Variants in WDCP observed in about 807,000 individuals in gnomAD.
WDCP encodes the protein WD repeat and coiled-coil-containing protein.
A neutral mutation model predicts 41.6 loss-of-function variants in WDCP; 19 were observed. The observed-to-expected ratio is 0.46, with a 90% CI of 0.32 to 0.67. The LOEUF is 0.67. WDCP is among the 30% of genes least tolerant of loss of function. WDCP has a pLI of 0.04. For missense variants in WDCP, 802 were observed against 850.7 expected (o/e 0.94, Z 0.71); for synonymous variants, 302 against 320.8 (o/e 0.94, Z 0.63).
At chr2:24,036,948 A>T (rs1411166514) in intron 2 of WDCP, among the ~76,000 whole-genome samples, 1 of 152,278 alleles carries the variant, frequency 6.6e-6, no homozygotes. Flanking sequence ...TGATAAAAAC[A>T]TGTATAATAT....
intron 2 of WDCP, among the ~76,000 whole-genome samples, chr2:24,035,204 A>AG (rs1230467070): frequency 3.3e-5 from 5 of 151,912 alleles, no homozygotes; most frequent in African/African-American, 1.2e-4. Context: ...GGAAAAAAAA[A>AG]TACTATGCAG....
Position 24,038,175 on chromosome 2 carries a change from T to A in WDCP, c.1320A>T (p.Thr440=). The A allele has an allele frequency of 8.7e-6, 14 of 1,614,252 alleles. No individual in the cohort carries two copies. The highest frequency in any genetic ancestry group is 1.2e-5 in the Non-Finnish European group (14 of 1,180,042). The change falls in exon 2 of 4, where the codon ACA becomes ACT. Residue 440 remains threonine (T), a synonymous_variant. Transcript: ENST00000295148. The part of the protein sequence containing the change: ...EIMLEEEPSI[T]SGESQTTYST... ...AGTAGGTAGTCTGGCTTTCACCTGA[T>A]GTTATTGAAGGTTCTTCTTCCAACA... is the stretch of plus-strand genomic sequence containing the variant.
Position 24,037,979 on chromosome 2 carries a change from T to C in WDCP, c.1516A>G (p.Ile506Val), listed in dbSNP as rs1663309025. 2 of 1,614,238 alleles carry C rather than the reference T, an allele frequency of 1.2e-6. No individual in the cohort carries two copies. The highest frequency in any genetic ancestry group is 1.7e-6 in the Non-Finnish European group (2 of 1,180,042). ...TCTAGAGCTATGGAGCCATCACAGATACTAGACAGAGGACTCTGGATTTCT... is the reference window on the plus strand; with the variant it reads ...TCTAGAGCTATGGAGCCATCACAGACACTAGACAGAGGACTCTGGATTTCT... ...IKEIQSPLSS[I>V]CDGSIALDAE... The change falls in exon 2 of 4, where the codon ATC (isoleucine) becomes GTC (valine). Residue 506 changes from isoleucine to valine, a missense_variant. By Grantham distance (29) the Ile-to-Val change is conservative (BLOSUM62 3). Coordinates refer to ENST00000295148, the MANE Select transcript of WDCP (RefSeq NM_025203.3).
Position 24,037,737 on chromosome 2 carries a change from C to A in WDCP, c.1758G>T (p.Lys586Asn). The A allele has an allele frequency of 1.2e-6, 2 of 1,614,160 alleles. No individual in the cohort carries two copies. Among genetic ancestry groups the A allele is most frequent in the Non-Finnish European group, 1.7e-6 (2 of 1,180,016 alleles). ...SELTNRLHNGKKSSSVYPLSQ... is the reference protein window; with the variant it reads ...SELTNRLHNGNKSSSVYPLSQ... ...AGAGTGGATACACTGAAGAGGATTT[C>A]TTCCCATTATGCAGACGGTTTGTAA... The change falls in exon 2 of 4, where the codon AAG becomes AAT. Residue 586 changes from lysine (K) to asparagine (N), a missense_variant. Physicochemically the swap from Lys to Asn is moderately conservative, Grantham distance 94 (BLOSUM62 0). This residue lies in a region of WDCP where 321 missense variants were observed against 305.1 expected (regional missense o/e 1.05). Transcript: ENST00000295148.
chr2:24,037,525 T>C, intron 2 of WDCP, 152 bp downstream of exon 2: 1 of 839,374 alleles, frequency 1.2e-6, no homozygotes. Flanking sequence ...CCAACCAACC[T>C]GCAAAGGTGT....
At chr2:24,034,971 A>C (rs1663199791) in intron 2 of WDCP, among the ~76,000 whole-genome samples, 1 of 151,822 alleles carries the variant, frequency 6.6e-6, no homozygotes, top group South Asian at 2.1e-4. Context: ...TGCAAGTAAA[A>C]TAGCCTATTT....
intron 1 of WDCP, among the ~76,000 whole-genome samples, chr2:24,044,170 C>T (rs1477885417): frequency 4.6e-5 from 7 of 152,004 alleles, no homozygotes; most frequent in African/African-American, 7.3e-5. Flanking sequence ...TTTTAGGATA[C>T]CAAATTCTGT....
In WDCP at chr2:24,038,236, T is replaced by A; in HGVS notation, c.1259A>T (p.Asp420Val). The change falls in exon 2 of 4, where the codon GAT becomes GTT. Residue 420 changes from aspartate (D) to valine (V), a missense_variant. This residue lies in a region of WDCP where 247 missense variants were observed against 240.5 expected (regional missense o/e 1.03). Coordinates refer to ENST00000295148, the MANE Select transcript of WDCP (RefSeq NM_025203.3). ...DTTFLPSSKS[D>V]QYAISLIVRE... The stretch of plus-strand genomic sequence containing the variant: ...AACAATCAAGCTAATGGCATACTGA[T>A]CAGACTTTGAAGAAGGAAGAAATGT... 6.2e-7 allele frequency: 1 copy of A among 1,614,182 alleles called. No individual in the cohort carries two copies. Among genetic ancestry groups the A allele is most frequent in the Non-Finnish European group, 8.5e-7 (1 of 1,180,008 alleles).
chr2:24,044,701 C>T (rs893047805), intron 1 of WDCP, among the ~76,000 whole-genome samples: 3 of 151,928 alleles, frequency 2.0e-5, no homozygotes, highest in African/African-American at 7.3e-5. Flanking sequence ...CCTGTGTTAG[C>T]CCAGGTTCTG....
chr2:24,035,938 A>G (rs779452639), intron 2 of WDCP, among the ~76,000 whole-genome samples: 1 of 151,118 alleles, frequency 6.6e-6, no homozygotes, highest in East Asian at 1.9e-4. Flanking sequence ...GTGTGGTGGC[A>G]CGTGCCTGTA....
intron 2 of WDCP, among the ~76,000 whole-genome samples, chr2:24,036,081 T>C (rs1464486762): frequency 1.4e-5 from 2 of 145,796 alleles, no homozygotes; most frequent in Non-Finnish European, 3.0e-5. Context: ...AATAAATAAA[T>C]AAATAAATAA....
intron 3 of WDCP, among the ~76,000 whole-genome samples, chr2:24,031,393 G>A (rs1663090566): frequency 6.6e-6 from 1 of 152,188 alleles, no homozygotes; most frequent in South Asian, 2.1e-4. Context: ...CAATGTGGTG[G>A]CTACTGTTAC....
chr2:24,031,494 T>A (rs903203772), intron 3 of WDCP, among the ~76,000 whole-genome samples: 5 of 152,312 alleles, frequency 3.3e-5, no homozygotes, highest in African/African-American at 7.2e-5. Flanking sequence ...CCTTTGAACA[T>A]CCATGTTTAC....
In WDCP at chr2:24,043,509, A is replaced by AACAAAACAAG. The variant is rs546528018; in HGVS notation, c.-19+3804_-19+3805insCTTGTTTTGT. 1.8e-3 allele frequency among the ~76,000 whole-genome samples: 274 copies of AACAAAACAAG among 152,034 alleles called. 2 individuals are homozygous for AACAAAACAAG. Among genetic ancestry groups the AACAAAACAAG allele is most frequent in the African/African-American group, 6.3e-3 (262 of 41,434 alleles). ...CTCTACTTAAAACAAAACAAAACAAAACAAAAAACCCCCCAACAATCTACA... is the reference window on the plus strand; with the variant it reads ...CTCTACTTAAAACAAAACAAAACAAAACAAAACAAGACAAAAAACCCCCCAACAATCTACA... On this transcript the variant is annotated intron_variant, in intron 1 of 3. Transcript: ENST00000295148.
chr2:24,039,155 T>C lies in WDCP; in HGVS notation c.340A>G (p.Ile114Val). ...TGCCACACACAGCCCTGGGGAAGGATAGGTAGTGATCCTCTAATCTCACAA... is the reference window on the plus strand; with the variant it reads ...TGCCACACACAGCCCTGGGGAAGGACAGGTAGTGATCCTCTAATCTCACAA... ...QTCEIRGSLP[I>V]LPQGCVWHPK... Residue 114 changes from isoleucine to valine, a missense_variant, in exon 2 of 4, where the codon ATC becomes GTC. By Grantham distance (29) the Ile-to-Val change is conservative. Around this residue, in one of 5 missense-constraint regions of WDCP, gnomAD observed 214 missense variants for 252.9 expected, o/e 0.85. Transcript: ENST00000295148. 4.3e-6 allele frequency: 7 copies of C among 1,614,190 alleles called. No individual in the cohort carries two copies. The highest frequency in any genetic ancestry group is 5.1e-6 in the Non-Finnish European group (6 of 1,180,036).
intron 1 of WDCP, 83 bp downstream of exon 1, chr2:24,047,231 C>T: frequency 6.6e-6 from 1 of 152,628 alleles, no homozygotes; most frequent in Non-Finnish European, 1.5e-5. Flanking sequence ...GCCCCCTACC[C>T]ACCAAGAGCC....
At position 24,038,330 on chromosome 2, in the gene WDCP, T is replaced by G; in HGVS notation, c.1165A>C (p.Lys389Gln). Reference sequence around the variant, plus strand: ...TGGTCTGTCAAGAAACATATCCCTTTTGGTCTTTCAGTGTTCTCTAATCGA... The same window carrying G: ...TGGTCTGTCAAGAAACATATCCCTTGTGGTCTTTCAGTGTTCTCTAATCGA... ...QIRLENTERP[K>Q]GICFLTDQLL... The change falls in exon 2 of 4, where the codon AAA becomes CAA. Residue 389 changes from lysine (K) to glutamine (Q), a missense_variant. Around this residue, in one of 5 missense-constraint regions of WDCP, gnomAD observed 247 missense variants for 240.5 expected, o/e 1.03. Transcript: ENST00000295148. 6.2e-7 allele frequency: 1 copy of G among 1,614,220 alleles called. No homozygotes were observed. The highest frequency in any genetic ancestry group is 1.1e-5 in the South Asian group (1 of 91,088).
At chr2:24,046,209 A>G (rs780982421) in intron 1 of WDCP, among the ~76,000 whole-genome samples, 9 of 152,178 alleles carry the variant, frequency 5.9e-5, no homozygotes, top group Non-Finnish European at 1.3e-4. Flanking sequence ...CATGGTACCA[A>G]TGTACCTTAG....
At chr2:24,033,156 T>C in intron 2 of WDCP, 1 of 644,588 alleles carries the variant, frequency 1.6e-6, no homozygotes, top group Non-Finnish European at 2.9e-6. Context: ...TTTGTTCTAC[T>C]CTTTCCTCAG....
Sources: gnomAD v4.1 joint callset for allele counts (sites outside exome capture counted in the v4.1 genomes callset) on GRCh38, gnomAD v4.1.1 for gene constraint, gnomAD v4.1.1 regional missense constraint, MANE v1.5 for transcripts, NCBI Gene and HGNC (gene_info 2026-07-23, HGNC 2026-07-21) for gene names.